Variants in HECW1 observed in about 807,000 individuals in gnomAD.
HECW1 encodes E3 ubiquitin-protein ligase HECW1.
Under a neutral mutation model 182.3 loss-of-function variants are expected in HECW1, and 61 were observed. That is an observed-to-expected ratio of 0.33 (90% CI 0.27 to 0.41). HECW1 has a LOEUF of 0.41. Ranked by LOEUF, HECW1 falls within the 10% of genes least tolerant of loss-of-function variation. The pLI is 1.00. For synonymous variants in HECW1, 859 were observed against 832.6 expected (o/e 1.03, Z -0.55); for missense variants, 1,739 against 2,108.9 (o/e 0.82, Z 3.44).
intron 5 of HECW1, among the ~76,000 whole-genome samples, chr7:43,327,829 C>T (rs1299090620): frequency 6.6e-6 from 1 of 152,006 alleles, no homozygotes; most frequent in Non-Finnish European, 1.5e-5. Flanking sequence ...AGATATTATG[C>T]ATCCTGTGTG....
At chr7:43,210,693 A>T (rs891415267) in intron 2 of HECW1, among the ~76,000 whole-genome samples, 3 of 152,144 alleles carry the variant, frequency 2.0e-5, no homozygotes, top group African/African-American at 7.2e-5. Flanking sequence ...GTTCAGCTCA[A>T]TTAGGACAAA....
chr7:43,314,734 A>G (rs531165087), intron 4 of HECW1, among the ~76,000 whole-genome samples: 1 of 152,250 alleles, frequency 6.6e-6, no homozygotes, highest in Non-Finnish European at 1.5e-5. Flanking sequence ...ACGGCATAGC[A>G]TTTCAAAAAT....
At chr7:43,522,354 C>G (rs949679300) in intron 24 of HECW1, 2 of 152,078 alleles carry the variant, frequency 1.3e-5, no homozygotes, top group Admixed American at 1.3e-4. Context: ...GAGTTCATGT[C>G]CTGATTCCCT....
At chr7:43,269,722 GCTGT>G (rs1802175810) in intron 3 of HECW1, among the ~76,000 whole-genome samples, 2 of 152,186 alleles carry the variant, frequency 1.3e-5, no homozygotes, top group African/African-American at 4.8e-5. Context: ...AAAAGTCTAG[GCTGT>G]CTGATAACAC....
chr7:43,245,780 C>CCTGCAA (rs1478068637), intron 3 of HECW1: 2 of 152,216 alleles, frequency 1.3e-5, no homozygotes, highest in Non-Finnish European at 2.9e-5. Flanking sequence ...AGTACAGCCT[C>CCTGCAA]CTGCAATGAC....
chr7:43,349,229 T>C (rs1433091416), intron 5 of HECW1, among the ~76,000 whole-genome samples: 1 of 152,140 alleles, frequency 6.6e-6, no homozygotes, highest in African/African-American at 2.4e-5. Context: ...AGACGGGGTT[T>C]CTCCATGTTG....
At chr7:43,373,060 T>C (rs1360534655) in intron 6 of HECW1, among the ~76,000 whole-genome samples, 1 of 152,110 alleles carries the variant, frequency 6.6e-6, no homozygotes, top group African/African-American at 2.4e-5. Flanking sequence ...TTTCTGATGA[T>C]TATAATGTCA....
At chr7:43,213,231 G>A (rs1468881513) in intron 2 of HECW1, among the ~76,000 whole-genome samples, 1 of 151,730 alleles carries the variant, frequency 6.6e-6, no homozygotes, top group African/African-American at 2.4e-5. Context: ...AGTTTTTTAC[G>A]TTCATCAAAC....
At chr7:43,252,001 A>G (rs377563272) in intron 3 of HECW1, among the ~76,000 whole-genome samples, 1 of 152,160 alleles carries the variant, frequency 6.6e-6, no homozygotes, top group East Asian at 1.9e-4. Flanking sequence ...TAAGAATCTC[A>G]GCATCCAGCA....
Position 43,445,416 on chromosome 7 carries a change from G to A in HECW1, c.2244G>A (p.Ser748=). The A allele has an allele frequency of 1.2e-6, 2 of 1,613,454 alleles. No individual in the cohort carries two copies. The highest frequency in any genetic ancestry group is 1.7e-6 in the Non-Finnish European group (2 of 1,179,982). The part of the protein sequence containing the change: ...DEEEENSAFE[S]VPDSMQSPEL... ...AGGAGGAGAACAGCGCGTTCGAGTCGGTACCCGACTCCATGCAGAGCCCTG... is the reference window on the plus strand; with the variant it reads ...AGGAGGAGAACAGCGCGTTCGAGTCAGTACCCGACTCCATGCAGAGCCCTG... The change falls in exon 11 of 30, where the codon TCG becomes TCA. Residue 748 remains serine (S), a synonymous_variant. Coordinates refer to ENST00000395891, the MANE Select transcript of HECW1 (RefSeq NM_015052.5).
intron 16 of HECW1, among the ~76,000 whole-genome samples, chr7:43,478,941 A>C (rs1012522871): frequency 6.6e-6 from 1 of 152,136 alleles, no homozygotes; most frequent in Admixed American, 6.5e-5. Context: ...TTTATCTATG[A>C]CTGATACTGC....
chr7:43,301,821 G>A (rs1332190243), intron 3 of HECW1, among the ~76,000 whole-genome samples: 1 of 151,398 alleles, frequency 6.6e-6, no homozygotes, highest in Non-Finnish European at 1.5e-5. Context: ...GTTACAGTGA[G>A]CTGGGATCGC....
At chr7:43,252,781 A>G (rs1800171104) in intron 3 of HECW1, among the ~76,000 whole-genome samples, 1 of 152,240 alleles carries the variant, frequency 6.6e-6, no homozygotes, top group African/African-American at 2.4e-5. Context: ...TTATTATAAA[A>G]CACCTAAATG....
intron 24 of HECW1, among the ~76,000 whole-genome samples, chr7:43,523,341 T>C (rs934154890): frequency 1.2e-4 from 18 of 152,168 alleles, no homozygotes; most frequent in Non-Finnish European, 1.6e-4. Context: ...CAAACAGCCC[T>C]GAAAACTGCT....
At chr7:43,494,789 C>T (rs902605689) in intron 19 of HECW1, among the ~76,000 whole-genome samples, 2 of 152,202 alleles carry the variant, frequency 1.3e-5, no homozygotes, top group African/African-American at 4.8e-5. Flanking sequence ...ACTGGGCTTA[C>T]AGGTGTTAGC....
At chr7:43,508,497 A>T (rs908263507) in intron 23 of HECW1, among the ~76,000 whole-genome samples, 2 of 152,194 alleles carry the variant, frequency 1.3e-5, no homozygotes, top group Non-Finnish European at 2.9e-5. Context: ...CAGTGATTTC[A>T]TGGGAAACCA....
At chr7:43,459,782 C>G (rs1183135103) in intron 13 of HECW1, among the ~76,000 whole-genome samples, 1 of 152,184 alleles carries the variant, frequency 6.6e-6, no homozygotes, top group Non-Finnish European at 1.5e-5. Context: ...AGGTCATCCC[C>G]CCGTCTTGGC....
intron 2 of HECW1, among the ~76,000 whole-genome samples, chr7:43,212,902 T>C (rs543542643): frequency 1.3e-5 from 2 of 152,338 alleles, no homozygotes; most frequent in East Asian, 3.9e-4. Context: ...CTTTGCCATT[T>C]ATATTATATG....
intron 26 of HECW1, among the ~76,000 whole-genome samples, chr7:43,544,395 T>C (rs948303431): frequency 2.0e-5 from 3 of 152,214 alleles, no homozygotes; most frequent in African/African-American, 7.2e-5. Flanking sequence ...TTACAATTTT[T>C]TAAAATAAAT....
Sources: allele counts gnomAD v4.1 joint callset (sites outside exome capture counted in the v4.1 genomes callset), GRCh38; gene constraint gnomAD v4.1.1; transcripts MANE v1.5; gene names NCBI Gene and HGNC (gene_info 2026-07-23, HGNC 2026-07-21).